Variants in ADPRM observed in about 807,000 individuals in gnomAD.
The protein encoded by ADPRM is manganese-dependent ADP-ribose/CDP-alcohol diphosphatase.
Under a neutral mutation model 27.2 loss-of-function variants are expected in ADPRM, and 17 were observed. The observed-to-expected ratio is 0.63, with a 90% confidence interval of 0.43 to 0.94. The LOEUF (loss-of-function observed/expected upper bound fraction) is 0.94, where lower values mean the gene tolerates loss of function less well. ADPRM is among the 40% of genes least tolerant of loss of function. ADPRM has a pLI of 0.00. For synonymous variants in ADPRM, 135 were observed against 145.3 expected (o/e 0.93, Z 0.51); for missense variants, 337 against 412.8 (o/e 0.82, Z 1.59).
At chr17:10,709,431 TC>T (rs1292052953) in intron 3 of ADPRM, among the ~76,000 whole-genome samples, 1 of 151,926 alleles carries the variant, frequency 6.6e-6, no homozygotes, top group Non-Finnish European at 1.5e-5. Context: ...AATAGAGAAG[TC>T]CGAGGACCAA....
chr17:10,711,542 G>C lies in ADPRM; in HGVS notation c.*398G>C, dbSNP rs921688034. On this transcript the variant is annotated 3_prime_UTR_variant, in exon 4 of 4. Transcript: ENST00000379774. Reference sequence around the variant, plus strand: ...CACCCTGCTGTGTAAATGAGCTTTGGACAATTTCTGCTCAGAACACCTATA... The same window carrying C: ...CACCCTGCTGTGTAAATGAGCTTTGCACAATTTCTGCTCAGAACACCTATA... Among the ~76,000 whole-genome samples, 2 of 152,158 alleles carry C rather than the reference G, an allele frequency of 1.3e-5. No individual in the cohort carries two copies. Among genetic ancestry groups the C allele is most frequent in the African/African-American group, 4.8e-5 (2 of 41,436 alleles).
chr17:10,710,991 C>A lies in ADPRM; in HGVS notation c.876C>A (p.Tyr292Ter). The A allele has an allele frequency of 6.2e-7, 1 of 1,614,066 alleles. No individual in the cohort carries two copies. The highest frequency in any genetic ancestry group is 1.1e-5 in the South Asian group (1 of 91,072). ...ACTCTGAGGATCCTTTTGGTGTATA[C>A]CACGTCAACCTAGAAGGAGTTATTG... ...GGYSEDPFGV[Y>*]HVNLEGVIET... Residue 292 changes from tyrosine (Y) to a stop codon, truncating the protein, a stop_gained, in exon 4 of 4, where the codon TAC (tyrosine) becomes TAA (stop). Coordinates refer to ENST00000379774, the MANE Select transcript of ADPRM (RefSeq NM_020233.5). LOFTEE classifies it high-confidence loss of function.
At chr17:10,700,766 GAAAAA>G in intron 1 of ADPRM, among the ~76,000 whole-genome samples, 2 of 112,316 alleles carry the variant, frequency 1.8e-5, no homozygotes, top group South Asian at 2.9e-4. Context: ...CCTGTCTCAG[GAAAAA>G]AAAAAAAAAA....
intron 1 of ADPRM, among the ~76,000 whole-genome samples, chr17:10,700,865 C>T (rs1425173156): frequency 6.6e-6 from 1 of 151,976 alleles, no homozygotes; most frequent in African/African-American, 2.4e-5. Context: ...TTGAGAGCAA[C>T]TCTTGTAAAC....
chr17:10,703,784 A>G lies in ADPRM; in HGVS notation c.-17-1126A>G, dbSNP rs1291404519. Among the ~76,000 whole-genome samples, 3 of 152,346 alleles carry G rather than the reference A, an allele frequency of 2.0e-5. No homozygotes were observed. In the East Asian group the frequency reaches 5.8e-4, roughly 29 times the overall value. The stretch of plus-strand genomic sequence containing the variant: ...GACACCACAGCAACAGTTTATTACT[A>G]TAGTCTTTATGACAAAAATCGTTGA... On this transcript the variant is annotated intron_variant, in intron 1 of 3. Coordinates refer to ENST00000379774, the MANE Select transcript of ADPRM (RefSeq NM_020233.5).
chr17:10,708,450 A>AAAAAAAAAAAAAAAAAAAAAAAAC (rs57337863), intron 3 of ADPRM, among the ~76,000 whole-genome samples: 2 of 118,938 alleles, frequency 1.7e-5, no homozygotes, highest in African/African-American at 7.0e-5. Context: ...AAAAAAAAAA[A>AAAAAAAAAAAAAAAAAAAAAAAAC]CCTTTGAAAA....
In ADPRM at chr17:10,710,746, T is replaced by C. The variant is rs1316677642; in HGVS notation, c.719-88T>C. 5 of 1,306,208 alleles carry C rather than the reference T, an allele frequency of 3.8e-6. No individual in the cohort carries two copies. In the East Asian group the frequency reaches 9.5e-5, roughly 25 times the overall value. The allele number at this position is 1,306,208 out of a possible 1,614,324, so 80.9% of individuals were successfully genotyped here. ...TAATGAGATAGCAATTTTTTTTTCT[T>C]TTTCTGAGTACTAGCTTTTAGCCAT... is the stretch of plus-strand genomic sequence containing the variant. On this transcript the variant is annotated intron_variant, in intron 3 of 3. Coordinates refer to ENST00000379774, the MANE Select transcript of ADPRM (RefSeq NM_020233.5).
intron 1 of ADPRM, 158 bp from the exon 2 acceptor site, chr17:10,704,752 T>C (rs2074802372): frequency 1.7e-6 from 1 of 572,636 alleles, no homozygotes; most frequent in African/African-American, 1.9e-5. Flanking sequence ...GGGTTAGTAG[T>C]TTAGACCTAA....
chr17:10,702,385 G>A lies in ADPRM; in HGVS notation c.-17-2525G>A, dbSNP rs1341303258. Reference sequence around the variant, plus strand: ...GGAAGGTGTATTTGAGAGGATTTTGGTATCAAATGACAGAAAATCAATTTG... The same window carrying A: ...GGAAGGTGTATTTGAGAGGATTTTGATATCAAATGACAGAAAATCAATTTG... On this transcript the variant is annotated intron_variant, in intron 1 of 3. Transcript: ENST00000379774. The surrounding 1 kb of genome is among the most constrained non-coding windows in gnomAD (Gnocchi z 4.2). 6.6e-6 allele frequency among the ~76,000 whole-genome samples: 1 copy of A among 152,138 alleles called. No homozygotes were observed. The highest frequency in any genetic ancestry group is 2.4e-5 in the African/African-American group (1 of 41,418).
chr17:10,709,892 A>C (rs401009), intron 3 of ADPRM, among the ~76,000 whole-genome samples: 75,662 of 152,000 alleles, frequency 0.5, 19,629 homozygotes, highest in African/African-American at 0.65. Context: ...GTCAGAAATT[A>C]GAACTTCTCC....
At chr17:10,703,852 C>T (rs993399487) in intron 1 of ADPRM, among the ~76,000 whole-genome samples, 3 of 152,114 alleles carry the variant, frequency 2.0e-5, no homozygotes, top group Non-Finnish European at 4.4e-5. Flanking sequence ...GAATCATTAG[C>T]GTTCTGGGCT....
chr17:10,705,276 G>T lies in ADPRM; in HGVS notation c.350G>T (p.Ser117Ile). The change falls in exon 2 of 4, where the codon AGT (serine) becomes ATT (isoleucine). Residue 117 changes from serine to isoleucine, a missense_variant. Transcript: ENST00000379774. This position sits in a 1 kb window ranked among gnomAD's most constrained non-coding sequence, Gnocchi z 5.4. ...TWGNHEFYNFSREYLTHSKLN... is the reference protein window; with the variant it reads ...TWGNHEFYNFIREYLTHSKLN... ...GGAAACCATGAATTCTATAACTTCA[G>T]TAGAGAGTATTTAACACACTCTAAA... 1.2e-6 allele frequency: 2 copies of T among 1,613,982 alleles called. No homozygotes were observed. Among genetic ancestry groups the T allele is most frequent in the Non-Finnish European group, 1.7e-6 (2 of 1,179,950 alleles).
In ADPRM at chr17:10,711,363, G is replaced by GT; in HGVS notation, c.*220dup. ...AACCAGGGAGGAAACTGAGGCAGGG[G>GT]TGTATAGTCCTCATAAGGGGCATAT... On this transcript the variant is annotated 3_prime_UTR_variant, in exon 4 of 4. Transcript: ENST00000379774. The GT allele has an allele frequency of 1.9e-6, 1 of 524,148 alleles. No individual in the cohort carries two copies. Among genetic ancestry groups the GT allele is most frequent in the Non-Finnish European group, 3.4e-6 (1 of 293,554 alleles). The allele number at this position is 524,148 out of a possible 1,614,324, so 32.5% of individuals were successfully genotyped here. A position where few individuals can be genotyped will look rare whatever the true frequency, so the allele number is the denominator to read the frequency against.
intron 1 of ADPRM, among the ~76,000 whole-genome samples, chr17:10,700,566 A>G (rs1291755908): frequency 6.6e-6 from 1 of 151,500 alleles, no homozygotes; most frequent in Non-Finnish European, 1.5e-5. Context: ...AGCCTGGGCA[A>G]CATGGCAAAA....
chr17:10,711,193 C>A lies in ADPRM; in HGVS notation c.*49C>A. 2 of 1,437,010 alleles carry A rather than the reference C, an allele frequency of 1.4e-6. No homozygotes were observed. Among genetic ancestry groups the A allele is most frequent in the Non-Finnish European group, 1.9e-6 (2 of 1,061,892 alleles). 89.0% of individuals were successfully genotyped at this position (1,437,010 alleles called of 1,614,324 possible). ...AAAATGAGCTTTGTGTTTGTCCCTC[C>A]TAAACAAAAAAATAAAAATCCTCTG... On this transcript the variant is annotated 3_prime_UTR_variant, in exon 4 of 4. Transcript: ENST00000379774.
At chr17:10,710,579 C>CA (rs1156936711) in intron 3 of ADPRM, among the ~76,000 whole-genome samples, 1 of 152,198 alleles carries the variant, frequency 6.6e-6, no homozygotes, top group African/African-American at 2.4e-5. Flanking sequence ...ACGTAGGCCT[C>CA]AGAGATTCAG....
chr17:10,704,877 A>G, intron 1 of ADPRM, 33 bp from the exon 2 acceptor site: 2 of 1,444,820 alleles, frequency 1.4e-6, no homozygotes, highest in Non-Finnish European at 9.3e-7. Context: ...TAAAACGTTT[A>G]TAATTTAGTT....
At chr17:10,699,695 A>T (rs563162318) in intron 1 of ADPRM, among the ~76,000 whole-genome samples, 1 of 151,574 alleles carries the variant, frequency 6.6e-6, no homozygotes, top group Admixed American at 6.6e-5. Context: ...TGTCTAATTT[A>T]AAAAATATAT....
rs2074784720 is a variant in ADPRM, at chr17:10,702,379, A to G, written c.-17-2531A>G. On this transcript the variant is annotated intron_variant, in intron 1 of 3. Coordinates refer to ENST00000379774, the MANE Select transcript of ADPRM (RefSeq NM_020233.5). This position sits in a 1 kb window ranked among gnomAD's most constrained non-coding sequence, Gnocchi z 4.2. ...TCCAGTGGAAGGTGTATTTGAGAGG[A>G]TTTTGGTATCAAATGACAGAAAATC... Among the ~76,000 whole-genome samples, 2 of 152,138 alleles carry G rather than the reference A, an allele frequency of 1.3e-5. No individual in the cohort carries two copies. The highest frequency in any genetic ancestry group is 4.1e-4 in the South Asian group (2 of 4,830).
Sources: allele counts gnomAD v4.1 joint callset (sites outside exome capture counted in the v4.1 genomes callset), GRCh38; gene constraint gnomAD v4.1.1; non-coding constraint Gnocchi (gnomAD v3.1); transcripts MANE v1.5; gene names NCBI Gene and HGNC (gene_info 2026-07-23, HGNC 2026-07-21).